The following SNRNP25 variants were observed in gnomAD, a reference collection of about 807,000 sequenced individuals.
SNRNP25 encodes the protein U11/U12 small nuclear ribonucleoprotein 25 kDa protein.
SNRNP25 carries 21 observed loss-of-function variants against 23.9 expected under a neutral mutation model. That is an observed-to-expected ratio of 0.88 (90% CI 0.62 to 1.27). The LOEUF is 1.27. SNRNP25 is among the 50% of genes most tolerant of loss of function. The pLI is 0.00. For synonymous variants in SNRNP25, 63 were observed against 60.4 expected, an observed-to-expected ratio of 1.04 and a Z score of -0.20; for missense variants, 160 against 156.9, an observed-to-expected ratio of 1.02 and a Z score of -0.11.
intron 4 of SNRNP25, 54 bp downstream of exon 4, chr16:56,667 A>G: frequency 6.3e-7 from 1 of 1,581,636 alleles, no homozygotes; most frequent in Non-Finnish European, 8.7e-7. Flanking sequence ...GTTGCCCCTT[A>G]GTCCCCCATG....
At chr16:56,105 C>T (rs1221334073) in intron 3 of SNRNP25, 2 of 618,740 alleles carry the variant, frequency 3.2e-6, no homozygotes, top group Non-Finnish European at 5.9e-6. Flanking sequence ...ACATTCTGCT[C>T]TTCCATCGGC....
At position 53,851 on chromosome 16, in the gene SNRNP25, G is replaced by C; in HGVS notation, c.-166G>C. The C allele has an allele frequency of 6.9e-7, 1 of 1,439,300 alleles. No homozygotes were observed. Among genetic ancestry groups the C allele is most frequent in the Non-Finnish European group, 9.3e-7 (1 of 1,072,420 alleles). 89.2% of individuals were successfully genotyped at this position (1,439,300 alleles called of 1,614,324 possible). A position where few individuals can be genotyped will look rare whatever the true frequency, so the allele number is the denominator to read the frequency against. On this transcript the variant is annotated 5_prime_UTR_variant, in exon 1 of 5. Transcript: ENST00000293861. ...CCGCAGTTCCTGCGCGTGCGCGCTT[G>C]GCCTCCCTAGTGCGGGCTGGCAGTG...
intron 4 of SNRNP25, 103 bp downstream of exon 4, chr16:56,716 AC>A: frequency 7.8e-7 from 1 of 1,274,142 alleles, no homozygotes. Context: ...CGGAGATAAC[AC>A]CCTCCTCCAA....
intron 1 of SNRNP25, chr16:55,132 G>A (rs1897390091): frequency 1.5e-5 from 4 of 263,590 alleles, no homozygotes; most frequent in Non-Finnish European, 3.0e-5. Context: ...GCCTGGCCTG[G>A]GTCCTGATGA....
intron 1 of SNRNP25, 92 bp from the exon 2 acceptor site, chr16:55,367 C>T (rs1279012565): frequency 1.2e-4 from 140 of 1,141,558 alleles, no homozygotes; most frequent in Non-Finnish European, 1.8e-4. Context: ...AAATGGAGCA[C>T]CACTTTTTGG....
At position 54,173 on chromosome 16, in the gene SNRNP25, CGCCTCTGGGCGTAAACGAGG is replaced by C. The variant is rs1180280539; in HGVS notation, c.42+117_42+136del. 4.2e-6 allele frequency: 5 copies of C among 1,181,540 alleles called. No homozygotes were observed. The East Asian group carries it at 1.3e-4, about 30-fold the overall frequency. 73.2% of individuals were successfully genotyped at this position (1,181,540 alleles called of 1,614,324 possible). ...GACTGCGGCCCAAGGCTGAGGAAGG[CGCCTCTGGGCGTAAACGAGG>C]GTTTTAACCTTGACCGGGCGCACTC... On this transcript the variant is annotated intron_variant, in intron 1 of 4. Coordinates refer to ENST00000293861, the MANE Select transcript of SNRNP25 (RefSeq NM_024571.4).
At chr16:54,187 A>T in intron 1 of SNRNP25, 129 bp downstream of exon 1, 1 of 1,100,650 alleles carries the variant, frequency 9.1e-7, no homozygotes, top group Non-Finnish European at 1.3e-6. Context: ...TCTGGGCGTA[A>T]ACGAGGGTTT....
intron 1 of SNRNP25, among the ~76,000 whole-genome samples, chr16:54,259 T>C (rs866369198): frequency 6.6e-6 from 1 of 152,148 alleles, no homozygotes; most frequent in Non-Finnish European, 1.5e-5. Flanking sequence ...AAAACCTCAT[T>C]AGTGAGTGAC....
At chr16:54,155 G>T in intron 1 of SNRNP25, 97 bp downstream of exon 1, 1 of 1,380,386 alleles carries the variant, frequency 7.2e-7, no homozygotes, top group Middle Eastern at 2.3e-4. Context: ...GGAGACTGCG[G>T]CCCAAGGCTG....
chr16:53,992 G>T lies in SNRNP25; in HGVS notation c.-25G>T, dbSNP rs1183567453. 1.9e-6 allele frequency: 3 copies of T among 1,609,648 alleles called. No individual in the cohort carries two copies. The highest frequency in any genetic ancestry group is 2.5e-6 in the Non-Finnish European group (3 of 1,178,672). On this transcript the variant is annotated 5_prime_UTR_variant, in exon 1 of 5. The change abolishes an upstream ATG in the 5' untranslated region. Coordinates refer to ENST00000293861, the MANE Select transcript of SNRNP25 (RefSeq NM_024571.4). ...AGGCGCTGCCGCACTCCGAGGCCAT[G>T]GACGTGTTCCAGGAGGGTCTGGCTA...
intron 3 of SNRNP25, 93 bp from the exon 4 acceptor site, chr16:56,446 C>T (rs1897409846): frequency 8.5e-7 from 1 of 1,180,946 alleles, no homozygotes; most frequent in African/African-American, 1.5e-5. Flanking sequence ...GCCCCAGGTC[C>T]CATAGGACTG....
intron 1 of SNRNP25, among the ~76,000 whole-genome samples, chr16:54,328 C>A (rs975414180): frequency 2.0e-5 from 3 of 152,224 alleles, no homozygotes; most frequent in Non-Finnish European, 4.4e-5. Context: ...GGTCTTGCTG[C>A]GTTGCCCGGG....
At position 53,912 on chromosome 16, in the gene SNRNP25, G is replaced by A. The variant is rs373858052; in HGVS notation, c.-105G>A. On this transcript the variant is annotated 5_prime_UTR_variant, in exon 1 of 5. Coordinates refer to ENST00000293861, the MANE Select transcript of SNRNP25 (RefSeq NM_024571.4). ...CCGGCTGAGAGGGGCGGCCCTGGAG[G>A]AGACGGAGGCCGCGGGTGGGCCCGA... 33 of 1,531,892 alleles carry A rather than the reference G, an allele frequency of 2.2e-5. No homozygotes were observed. In the East Asian group the frequency reaches 3.6e-4, roughly 17 times the overall value. 94.9% of individuals were successfully genotyped at this position (1,531,892 alleles called of 1,614,324 possible). A position where few individuals can be genotyped will look rare whatever the true frequency, so the allele number is the denominator to read the frequency against.
Position 56,418 on chromosome 16 carries a change from C to G in SNRNP25, c.240-121C>G. 4.5e-6 allele frequency: 4 copies of G among 893,416 alleles called. No homozygotes were observed. The South Asian group carries it at 5.4e-5, about 12-fold the overall frequency. 55.3% of individuals were successfully genotyped at this position (893,416 alleles called of 1,614,324 possible). On this transcript the variant is annotated intron_variant, in intron 3 of 4. Coordinates refer to ENST00000293861, the MANE Select transcript of SNRNP25 (RefSeq NM_024571.4). ...AATCTGCACATTGTACAGAACAGCC[C>G]AGGTAGGGAGGACAGCTGCCCCAGG...
chr16:55,740 A>C (rs34400346), intron 2 of SNRNP25, 37 bp from the exon 3 acceptor site: 48 of 1,609,310 alleles, frequency 3.0e-5, no homozygotes, highest in Non-Finnish European at 4.0e-5. Flanking sequence ...TTGGGTTCTC[A>C]CCATGGATCT....
chr16:57,108 G>A lies in SNRNP25; in HGVS notation c.337G>A (p.Glu113Lys), dbSNP rs770187197. ...CAGCTACGGCATCCGGAATCGAGAC[G>A]AGGTTTCCTTCATCAAAAAGCTGAG... is the stretch of plus-strand genomic sequence containing the variant. ...LRDYGIRNRD[E>K]VSFIKKLRQK The change falls in exon 5 of 5, where the codon GAG becomes AAG. Residue 113 changes from glutamate (E) to lysine (K), a missense_variant. Physicochemically the swap from Glu to Lys is moderately conservative, Grantham distance 56. Transcript: ENST00000293861. 3.7e-6 allele frequency: 6 copies of A among 1,613,960 alleles called. No homozygotes were observed. Among genetic ancestry groups the A allele is most frequent in the African/African-American group, 1.3e-5 (1 of 74,924 alleles).
In SNRNP25 at chr16:54,577, C is replaced by CA. The variant is rs566186924; in HGVS notation, c.42+526dup. On this transcript the variant is annotated intron_variant, in intron 1 of 4. Transcript: ENST00000293861. ...ATACCTTTAAAAGTCAAAGTTGAGG[C>CA]AAAAAAAGAGCCTACGGTAAAAGAA... Among the ~76,000 whole-genome samples the CA allele has an allele frequency of 4.5e-4, 68 of 150,600 alleles. No homozygotes were observed. The South Asian group carries it at 6.5e-3, about 14-fold the overall frequency.
chr16:54,805 C>G (rs1897385661), intron 1 of SNRNP25, among the ~76,000 whole-genome samples: 2 of 151,962 alleles, frequency 1.3e-5, no homozygotes, highest in South Asian at 2.1e-4. Context: ...CAACCTCCCC[C>G]TCCCGGGTTC....
At chr16:57,012 C>A (rs1456738811) in intron 4 of SNRNP25, 74 bp from the exon 5 acceptor site, 1 of 1,543,648 alleles carries the variant, frequency 6.5e-7, no homozygotes, top group Non-Finnish European at 9.0e-7. Flanking sequence ...CGTGGTCCTC[C>A]ACAGCCTCAG....
Sources: gnomAD v4.1 joint callset for allele counts (sites outside exome capture counted in the v4.1 genomes callset) on GRCh38, gnomAD v4.1.1 for gene constraint, MANE v1.5 for transcripts, NCBI Gene and HGNC (gene_info 2026-07-23, HGNC 2026-07-21) for gene names.